Variants in TJP2 observed in about 807,000 individuals in gnomAD.
TJP2 encodes Friedreich ataxia region gene X104 (tight junction protein ZO-2).
A neutral mutation model predicts 133.1 loss-of-function variants in TJP2; 91 were observed. That is an observed-to-expected ratio of 0.68 (90% CI 0.58 to 0.81). The LOEUF is 0.81. Ranked by LOEUF, TJP2 falls within the 40% of genes least tolerant of loss-of-function variation. The probability of loss-of-function intolerance (pLI) is 0.00; values close to 1 mark genes in which losing one functional copy is unlikely to be tolerated. For synonymous variants in TJP2, 592 were observed against 583.4 expected, an observed-to-expected ratio of 1.01 and a Z score of -0.21; for missense variants, 1,541 against 1,565.6, an observed-to-expected ratio of 0.98 and a Z score of 0.26.
rs1197700053 is a variant in TJP2, at chr9:69,238,755, TC to T, written c.2323del (p.Arg775GlyfsTer2). On this transcript the variant is annotated frameshift_variant, in exon 16 of 23. Transcript: ENST00000377245. LOFTEE classifies it high-confidence loss of function. ...GGATCTGAGAAATCCACTGGAGTGG[TC>T]CGGTTAAATACCGTGAGGCAAATTA... ...DAGSEKSTGV[V>X]RLNTVRQIIE... The T allele has an allele frequency of 6.2e-7, 1 of 1,614,058 alleles. No homozygotes were observed.
At position 69,221,291 on chromosome 9, in the gene TJP2, C is replaced by T. The variant is rs745525102; in HGVS notation, c.747C>T (p.Tyr249=). The T allele has an allele frequency of 8.1e-6, 13 of 1,607,162 alleles. No individual in the cohort carries two copies. Among genetic ancestry groups the T allele is most frequent in the South Asian group, 1.1e-5 (1 of 90,172 alleles). The change falls in exon 5 of 23, where the codon TAC becomes TAT. Residue 249 remains tyrosine (Y), a synonymous_variant. Coordinates refer to ENST00000377245, the MANE Select transcript of TJP2 (RefSeq NM_004817.4). ...GCGGCCGGAGCATTGACCAGGACTACGAGCGAGCCTATCACCGGGCCTACG... is the reference window on the plus strand; with the variant it reads ...GCGGCCGGAGCATTGACCAGGACTATGAGCGAGCCTATCACCGGGCCTACG... ...RSRGRSIDQD[Y]ERAYHRAYDP...
chr9:69,222,333 C>T lies in TJP2; in HGVS notation c.952+837C>T, dbSNP rs892028139. Reference sequence around the variant, plus strand: ...GTGGGATTATAGGTGCCTGCCACCACGCCCGGCTAATTTTTGTATTTTCAG... The same window carrying T: ...GTGGGATTATAGGTGCCTGCCACCATGCCCGGCTAATTTTTGTATTTTCAG... On this transcript the variant is annotated intron_variant, in intron 5 of 22. Coordinates refer to ENST00000377245, the MANE Select transcript of TJP2 (RefSeq NM_004817.4). 4.0e-5 allele frequency among the ~76,000 whole-genome samples: 6 copies of T among 150,800 alleles called. No individual in the cohort carries two copies. In the East Asian group the frequency reaches 1.2e-3, roughly 30 times the overall value.
chr9:69,214,812 G>T (rs545160154), intron 2 of TJP2, among the ~76,000 whole-genome samples: 20 of 147,918 alleles, frequency 1.4e-4, no homozygotes, highest in African/African-American at 4.7e-4. Context: ...GGCAGGGGTT[G>T]CAGTGAGCCA....
chr9:69,193,136 G>A (rs1588019199), intron 1 of TJP2, among the ~76,000 whole-genome samples: 1 of 152,016 alleles, frequency 6.6e-6, no homozygotes, highest in African/African-American at 2.4e-5. Flanking sequence ...GGCTGGTCTT[G>A]AACTCTTGAG....
chr9:69,248,305 G>T (rs1459092923), intron 19 of TJP2, 81 bp downstream of exon 19: 1 of 1,502,282 alleles, frequency 6.7e-7, no homozygotes, highest in South Asian at 1.3e-5. Flanking sequence ...TGTGTTCAGG[G>T]TGCTGTGGAA....
intron 1 of TJP2, among the ~76,000 whole-genome samples, chr9:69,211,742 C>A (rs559151613): frequency 1.3e-5 from 2 of 152,306 alleles, no homozygotes; most frequent in African/African-American, 4.8e-5. Flanking sequence ...CTACCCATAG[C>A]CAAGGATGAG....
intron 1 of TJP2, among the ~76,000 whole-genome samples, chr9:69,141,813 T>C (rs1225493507): frequency 6.6e-6 from 1 of 152,168 alleles, no homozygotes; most frequent in East Asian, 1.9e-4. Flanking sequence ...GGTCTTGAAC[T>C]CCTGGCCTCA....
upstream of TJP2, chr9:69,174,219 G>A (rs535649845): frequency 2.1e-6 from 3 of 1,422,126 alleles, no homozygotes; most frequent in South Asian, 4.7e-5. Flanking sequence ...CGCCGCGGGA[G>A]GAGGGACAAA....
At chr9:69,189,737 A>G (rs1826088529) in intron 1 of TJP2, among the ~76,000 whole-genome samples, 1 of 105,960 alleles carries the variant, frequency 9.4e-6, no homozygotes, top group African/African-American at 3.5e-5. Flanking sequence ...CGGTGGATAT[A>G]TGGTTCTGAC....
intron 17 of TJP2, among the ~76,000 whole-genome samples, chr9:69,242,379 A>G (rs1830635735): frequency 6.6e-6 from 1 of 152,240 alleles, no homozygotes; most frequent in Admixed American, 6.5e-5. Flanking sequence ...GGACTAGCAC[A>G]TGGGCAAGGC....
intron 1 of TJP2, among the ~76,000 whole-genome samples, chr9:69,207,152 A>T (rs1368141013): frequency 6.6e-6 from 1 of 152,144 alleles, no homozygotes. Flanking sequence ...GCCCCTAAAC[A>T]ATAGATTAAT....
intron 1 of TJP2, among the ~76,000 whole-genome samples, chr9:69,122,951 C>T (rs565505871): frequency 1.3e-5 from 2 of 152,266 alleles, no homozygotes; most frequent in African/African-American, 4.8e-5. Flanking sequence ...GGGTGACATT[C>T]TGGGTACTTT....
chr9:69,195,193 G>A (rs924418925), intron 1 of TJP2, among the ~76,000 whole-genome samples: 1 of 152,096 alleles, frequency 6.6e-6, no homozygotes, highest in African/African-American at 2.4e-5. Flanking sequence ...TGGTTTGTAT[G>A]TATGTTTGTT....
Position 69,252,858 on chromosome 9 carries a change from T to A in TJP2, c.3365T>A (p.Ile1122Asn). The A allele has an allele frequency of 1.2e-6, 2 of 1,614,038 alleles. No individual in the cohort carries two copies. The highest frequency in any genetic ancestry group is 1.7e-6 in the Non-Finnish European group (2 of 1,180,024). Residue 1122 changes from isoleucine to asparagine, a missense_variant, in exon 22 of 23, where the codon ATC becomes AAC. By Grantham distance (149) the Ile-to-Asn change is moderately radical (BLOSUM62 -3). Coordinates refer to ENST00000377245, the MANE Select transcript of TJP2 (RefSeq NM_004817.4). ...QKHPDIYAVPIKTHKPDPGTP... is the reference protein window; with the variant it reads ...QKHPDIYAVPNKTHKPDPGTP... ...CATCCTGATATCTATGCAGTTCCAA[T>A]CAAAACGCACAAGCCAGACCCTGGC...
At position 69,237,046 on chromosome 9, in the gene TJP2, A is replaced by G; in HGVS notation, c.2089A>G (p.Lys697Glu). ...GCGTGGCCAGAGGTCTGGGGTGAAG[A>G]AGAACCTGAGGAAAAGTCGGGAAGA... ...RMRGQRSGVK[K>E]NLRKSREDLT... The change falls in exon 14 of 23, where the codon AAG (lysine) becomes GAG (glutamate). Residue 697 changes from lysine (K) to glutamate (E), a missense_variant. Transcript: ENST00000377245. 1 of 1,614,158 alleles carries G rather than the reference A, an allele frequency of 6.2e-7. No individual in the cohort carries two copies. The highest frequency in any genetic ancestry group is 8.5e-7 in the Non-Finnish European group (1 of 1,180,030).
intron 5 of TJP2, among the ~76,000 whole-genome samples, chr9:69,222,277 A>G (rs1828942281): frequency 6.6e-6 from 1 of 151,564 alleles, no homozygotes; most frequent in South Asian, 2.1e-4. Context: ...CCTGGGTTCA[A>G]GTGATTCTCC....
intron 17 of TJP2, among the ~76,000 whole-genome samples, chr9:69,240,519 G>C (rs1435685748): frequency 6.6e-6 from 1 of 152,188 alleles, no homozygotes; most frequent in East Asian, 1.9e-4. Flanking sequence ...CAAAGCGAAA[G>C]GAACTTGGTT....
rs1366885487 is a variant in TJP2, at chr9:69,218,302, T to C, written c.285T>C (p.Asp95=). 1.9e-6 allele frequency: 3 copies of C among 1,614,220 alleles called. No individual in the cohort carries two copies. The highest frequency in any genetic ancestry group is 2.5e-6 in the Non-Finnish European group (3 of 1,180,016). The change falls in exon 4 of 23, where the codon GAT becomes GAC. Residue 95 remains aspartate (D), a synonymous_variant. Transcript: ENST00000377245. ...VVMVNGTPME[D]VLHSFAVQQL... Reference sequence around the variant, plus strand: ...TGGTCAATGGCACCCCCATGGAGGATGTGCTTCATTCGTTTGCAGTTCAGC... The same window carrying C: ...TGGTCAATGGCACCCCCATGGAGGACGTGCTTCATTCGTTTGCAGTTCAGC...
intron 1 of TJP2, among the ~76,000 whole-genome samples, chr9:69,122,962 C>A (rs148905726): frequency 3.3e-5 from 5 of 152,284 alleles, no homozygotes; most frequent in African/African-American, 1.2e-4. Flanking sequence ...TGGGTACTTT[C>A]AAGTGTTCAC....
Sources: gnomAD v4.1 joint callset for allele counts (sites outside exome capture counted in the v4.1 genomes callset) on GRCh38, gnomAD v4.1.1 for gene constraint, MANE v1.5 for transcripts, NCBI Gene and HGNC (gene_info 2026-07-23, HGNC 2026-07-21) for gene names.